XRCC4: variants seen among roughly 807,000 people sequenced by gnomAD.
XRCC4 encodes DNA repair protein XRCC4.
Under a neutral mutation model 39.1 loss-of-function variants are expected in XRCC4, and 28 were observed. That is an observed-to-expected ratio of 0.72 (90% CI 0.53 to 0.98). The LOEUF (loss-of-function observed/expected upper bound fraction) is 0.98. Among genes scored for constraint, XRCC4 ranks in the 50% least tolerant of loss-of-function variants. XRCC4 has a pLI of 0.00. For synonymous variants in XRCC4, 123 were observed against 126.4 expected (o/e 0.97, Z 0.18); for missense variants, 350 against 376.4 (o/e 0.93, Z 0.58).
chr5:83,249,529 A>C lies in XRCC4; in HGVS notation c.746-9001A>C, dbSNP rs553631215. On this transcript the variant is annotated intron_variant, in intron 6 of 7. Transcript: ENST00000396027. ...TTGTAAAGGAGTTTAAAGAAGTGCAAATAGAATGTTTTTTCCTAATGTATC... is the reference window on the plus strand; with the variant it reads ...TTGTAAAGGAGTTTAAAGAAGTGCACATAGAATGTTTTTTCCTAATGTATC... Among the ~76,000 whole-genome samples, 61 of 152,286 alleles carry C rather than the reference A, an allele frequency of 4.0e-4. 1 individual carries two copies. Among genetic ancestry groups the C allele is most frequent in the African/African-American group, 1.4e-3 (57 of 41,584 alleles).
chr5:83,208,933 A>G (rs1751524412), intron 6 of XRCC4, among the ~76,000 whole-genome samples: 2 of 152,050 alleles, frequency 1.3e-5, no homozygotes, highest in South Asian at 4.1e-4. Context: ...TAAGATTATG[A>G]TAAATATAAT....
intron 7 of XRCC4, among the ~76,000 whole-genome samples, chr5:83,284,052 C>CAAAAAAAAAAAAAAA (rs766161565): frequency 3.1e-4 from 5 of 16,100 alleles, no homozygotes; most frequent in African/African-American, 5.4e-4. Flanking sequence ...CAACCCAGAG[C>CAAAAAAAAAAAAAAA]AAAAAAAAAA....
chr5:83,292,039 T>C (rs909912320), intron 7 of XRCC4, among the ~76,000 whole-genome samples: 13 of 151,136 alleles, frequency 8.6e-5, no homozygotes, highest in African/African-American at 3.2e-4. Context: ...ATAAATGAGA[T>C]ATCAAGAAAG....
At chr5:83,332,828 AAAG>A (rs749104643) in intron 7 of XRCC4, among the ~76,000 whole-genome samples, 2 of 152,192 alleles carry the variant, frequency 1.3e-5, no homozygotes, top group East Asian at 3.8e-4. Context: ...AATGAAGGGA[AAAG>A]AAGGAGAGGC....
chr5:83,177,157 C>T (rs1349707825), intron 3 of XRCC4, among the ~76,000 whole-genome samples: 1 of 152,082 alleles, frequency 6.6e-6, no homozygotes, highest in Non-Finnish European at 1.5e-5. Context: ...GTTTTTTCTA[C>T]ATTACCTATA....
intron 7 of XRCC4, among the ~76,000 whole-genome samples, chr5:83,273,585 A>AT (rs1754218138): frequency 6.6e-6 from 1 of 152,162 alleles, no homozygotes; most frequent in South Asian, 2.1e-4. Context: ...TCTTGAGTTG[A>AT]TTTTTGTATA....
chr5:83,363,932 A>G, the XRCC4 span, among the ~76,000 whole-genome samples: 1 of 152,158 alleles, frequency 6.6e-6, no homozygotes, highest in Non-Finnish European at 1.5e-5. Context: ...AGGTGCAACT[A>G]TGCTGTTAGA....
At chr5:83,221,595 A>C (rs1331080910) in intron 6 of XRCC4, among the ~76,000 whole-genome samples, 1 of 152,032 alleles carries the variant, frequency 6.6e-6, no homozygotes, top group Non-Finnish European at 1.5e-5. Context: ...AAAAGAGGTG[A>C]AATATATTAT....
rs377702888 is a variant in XRCC4 at position 83,258,678 on chromosome 5, G to T, written c.893+1G>T. 3 of 1,609,464 alleles carry T rather than the reference G, an allele frequency of 1.9e-6. No homozygotes were observed. The African/African-American group carries it at 4.0e-5, about 22-fold the overall frequency. ...AGAATCAGCTTCAAGAAAAGGAAAA[G>T]TAAGTCATTTTATTCTTTGCCAAGA... On this transcript the variant is annotated splice_donor_variant, in intron 7 of 7. Coordinates refer to ENST00000396027, the MANE Select transcript of XRCC4 (RefSeq NM_003401.5). LOFTEE classifies it high-confidence loss of function.
chr5:83,363,163 A>G, the XRCC4 span, among the ~76,000 whole-genome samples: 2 of 152,148 alleles, frequency 1.3e-5, no homozygotes, highest in African/African-American at 4.8e-5. Flanking sequence ...GGCCATGCCC[A>G]AGGAAAATTT....
intron 3 of XRCC4, among the ~76,000 whole-genome samples, chr5:83,112,599 C>T (rs1746495449): frequency 6.6e-6 from 1 of 152,186 alleles, no homozygotes; most frequent in Non-Finnish European, 1.5e-5. Context: ...CTAATAAAGA[C>T]ATACCCAAGG....
chr5:83,242,788 G>A (rs1752962594), intron 6 of XRCC4, among the ~76,000 whole-genome samples: 2 of 152,050 alleles, frequency 1.3e-5, no homozygotes, highest in Admixed American at 1.3e-4. Context: ...GCTAGCACTT[G>A]TATAACAACT....
At chr5:83,240,393 G>C (rs1339123987) in intron 6 of XRCC4, among the ~76,000 whole-genome samples, 1 of 152,122 alleles carries the variant, frequency 6.6e-6, no homozygotes, top group Non-Finnish European at 1.5e-5. Context: ...CAAAACAAGA[G>C]AGAAGCGATG....
chr5:83,284,321 A>AT (rs1021235324), intron 7 of XRCC4, among the ~76,000 whole-genome samples: 11 of 151,986 alleles, frequency 7.2e-5, no homozygotes, highest in African/African-American at 2.2e-4. Flanking sequence ...GTGACTAAGA[A>AT]TTTTTTTAAC....
rs958489049 is a variant in XRCC4, at chr5:83,176,767, G to A, written c.316-19003G>A. Among the ~76,000 whole-genome samples the A allele has an allele frequency of 3.3e-5, 5 of 151,988 alleles. No homozygotes were observed. The East Asian group carries it at 9.7e-4, about 29-fold the overall frequency. On this transcript the variant is annotated intron_variant, in intron 3 of 7. Coordinates refer to ENST00000396027, the MANE Select transcript of XRCC4 (RefSeq NM_003401.5). ...CTTCTGAGTAGCTGGGACTACAGGGGCACGCCAGCACACCTGGCTAATTTT... is the reference window on the plus strand; with the variant it reads ...CTTCTGAGTAGCTGGGACTACAGGGACACGCCAGCACACCTGGCTAATTTT...
chr5:83,194,325 AATTT>A (rs1207965331), intron 3 of XRCC4, among the ~76,000 whole-genome samples: 1 of 152,138 alleles, frequency 6.6e-6, no homozygotes, highest in East Asian at 1.9e-4. Flanking sequence ...ATTTACTTTC[AATTT>A]ATTTATTCTT....
At chr5:83,157,325 T>G (rs1025001882) in intron 3 of XRCC4, among the ~76,000 whole-genome samples, 1 of 152,118 alleles carries the variant, frequency 6.6e-6, no homozygotes, top group Non-Finnish European at 1.5e-5. Flanking sequence ...TTCTGCCTAT[T>G]GTCGGATGCC....
At position 83,186,932 on chromosome 5, in the gene XRCC4, GCTT is replaced by G. The variant is rs965073101; in HGVS notation, c.316-8833_316-8831del. On this transcript the variant is annotated intron_variant, in intron 3 of 7. Transcript: ENST00000396027. ...CACATACATTTTTGGCTCATGGCCT[GCTT>G]CTTCCATTTTTTTTTTTTTTTTTTT... Among the ~76,000 whole-genome samples the G allele has an allele frequency of 2.5e-4, 36 of 143,174 alleles. 4 individuals are homozygous for G. The highest frequency in any genetic ancestry group is 4.3e-4 in the Non-Finnish European group (29 of 67,068). 93.9% of individuals were successfully genotyped at this position (143,174 alleles called of 152,430 possible).
chr5:83,212,782 C>A (rs1751699126), intron 6 of XRCC4, among the ~76,000 whole-genome samples: 2 of 151,802 alleles, frequency 1.3e-5, no homozygotes, highest in African/African-American at 4.8e-5. Context: ...CAAAAATTAG[C>A]TGGGCATGGT....
Sources: gnomAD v4.1 joint callset for allele counts (sites outside exome capture counted in the v4.1 genomes callset) on GRCh38, gnomAD v4.1.1 for gene constraint, MANE v1.5 for transcripts, NCBI Gene and HGNC (gene_info 2026-07-23, HGNC 2026-07-21) for gene names.